BIN1: variants seen among roughly 807,000 people sequenced by gnomAD.
BIN1 encodes bridging integrator 1.
In BIN1, 53 loss-of-function variants were observed where a neutral mutation model predicts 82.0. That is an observed-to-expected ratio of 0.65 (90% CI 0.52 to 0.81). The LOEUF (loss-of-function observed/expected upper bound fraction) is 0.81. Ranked by LOEUF, BIN1 falls within the 40% of genes least tolerant of loss-of-function variation. The probability of loss-of-function intolerance (pLI) is 0.00; values close to 1 mark genes in which losing one functional copy is unlikely to be tolerated. For missense variants in BIN1, 642 were observed against 784.4 expected, an observed-to-expected ratio of 0.82 and a Z score of 2.17; for synonymous variants, 302 against 328.0, an observed-to-expected ratio of 0.92 and a Z score of 0.86.
At position 127,068,831 on chromosome 2, in the gene BIN1, C is replaced by A. The variant is rs1685491708; in HGVS notation, c.519+93G>T. ...CACCCCCAGTTCAGCCACCTGGGGC[C>A]AGGCAGGAGGAAGCCTCCACCCTCG... On this transcript the variant is annotated intron_variant, in intron 6 of 18. Coordinates refer to ENST00000316724, the MANE Select transcript of BIN1 (RefSeq NM_139343.3). The surrounding 1 kb of genome is among the most constrained non-coding windows in gnomAD (Gnocchi z 4.9). 2.4e-6 allele frequency: 3 copies of A among 1,259,346 alleles called. No individual in the cohort carries two copies. The highest frequency in any genetic ancestry group is 3.5e-6 in the Non-Finnish European group (3 of 867,652). 78.0% of individuals were successfully genotyped at this position (1,259,346 alleles called of 1,614,324 possible). A position where few individuals can be genotyped will look rare whatever the true frequency, so the allele number is the denominator to read the frequency against.
Position 127,090,812 on chromosome 2 carries a change from G to A in BIN1, c.85-14106C>T, listed in dbSNP as rs1410169837. On this transcript the variant is annotated intron_variant, in intron 1 of 18. Transcript: ENST00000316724. The surrounding 1 kb of genome is among the most constrained non-coding windows in gnomAD (Gnocchi z 6.4). ...CTGGGTGGGAAGGCAACAGCCACGGGTCGCCACACACTCCCACAGTCTTCA... is the reference window on the plus strand; with the variant it reads ...CTGGGTGGGAAGGCAACAGCCACGGATCGCCACACACTCCCACAGTCTTCA... Among the ~76,000 whole-genome samples, 3 of 152,184 alleles carry A rather than the reference G, an allele frequency of 2.0e-5. No individual in the cohort carries two copies. The highest frequency in any genetic ancestry group is 2.4e-5 in the African/African-American group (1 of 41,430).
intron 4 of BIN1, 63 bp downstream of exon 4, chr2:127,070,490 T>G (rs890992003): frequency 6.3e-7 from 1 of 1,581,566 alleles, no homozygotes; most frequent in Non-Finnish European, 8.6e-7. Context: ...CACGGCAGAG[T>G]GGGACAGGAG....
intron 7 of BIN1, among the ~76,000 whole-genome samples, 165 bp from the exon 8 acceptor site, chr2:127,064,183 T>TC (rs1223585802): frequency 6.6e-6 from 1 of 151,868 alleles, no homozygotes; most frequent in Non-Finnish European, 1.5e-5. Flanking sequence ...GCTGGCGACC[T>TC]CCCCCTGCAG....
rs1020051537 is a variant in BIN1, at chr2:127,067,260, A to G, written c.612+903T>C. On this transcript the variant is annotated intron_variant, in intron 7 of 18. Transcript: ENST00000316724. This position sits in a 1 kb window ranked among gnomAD's most constrained non-coding sequence, Gnocchi z 4.7. ...TATCGCCAGCCTCTCGGGAATATGGAGAAGTGTGAGGGCCACATCCAGGCT... is the reference window on the plus strand; with the variant it reads ...TATCGCCAGCCTCTCGGGAATATGGGGAAGTGTGAGGGCCACATCCAGGCT... Among the ~76,000 whole-genome samples the G allele has an allele frequency of 2.6e-5, 4 of 152,096 alleles. No individual in the cohort carries two copies. Among genetic ancestry groups the G allele is most frequent in the African/African-American group, 9.7e-5 (4 of 41,404 alleles).
At chr2:127,105,473 TCCTC>T in intron 1 of BIN1, among the ~76,000 whole-genome samples, 1 of 58,462 alleles carries the variant, frequency 1.7e-5, no homozygotes. Flanking sequence ...TAATCCCTCC[TCCTC>T]CTCCTCCTCC....
In BIN1 at chr2:127,050,901, A is replaced by G. The variant is rs779756862; in HGVS notation, c.1473T>C (p.Pro491=). 103 of 1,613,964 alleles carry G rather than the reference A, an allele frequency of 6.4e-5. No individual in the cohort carries two copies. In the East Asian group the frequency reaches 2.0e-3, roughly 31 times the overall value. The change falls in exon 17 of 19, where the codon CCT becomes CCC. Residue 491 remains proline (P), a synonymous_variant. Coordinates refer to ENST00000316724, the MANE Select transcript of BIN1 (RefSeq NM_139343.3). The part of the protein sequence containing the change: ...AASEAASSSL[P]AVVVETFPAT... ...CTGGGAAGGTCTCCACCACGACAGC[A>G]GGAAGAGAGCTCTGGTGGCAGAGGT...
chr2:127,081,817 G>C, intron 1 of BIN1: 1 of 1,287,372 alleles, frequency 7.8e-7, no homozygotes, highest in Non-Finnish European at 1.0e-6. Flanking sequence ...CCCAGAAAAC[G>C]CATAAGGCCC....
At chr2:127,063,242 G>C (rs542107985) in intron 9 of BIN1, among the ~76,000 whole-genome samples, 26 of 152,178 alleles carry the variant, frequency 1.7e-4, no homozygotes, top group Non-Finnish European at 3.5e-4. Context: ...TTGAGAAACT[G>C]CCACCATTGT....
At chr2:127,077,517 G>A (rs1388499752) in intron 1 of BIN1, among the ~76,000 whole-genome samples, 1 of 152,118 alleles carries the variant, frequency 6.6e-6, no homozygotes, top group Non-Finnish European at 1.5e-5. Context: ...GAGGGCGCTG[G>A]CCAGGACCCT....
chr2:127,098,035 T>C (rs1013233738), intron 1 of BIN1, among the ~76,000 whole-genome samples: 11 of 152,134 alleles, frequency 7.2e-5, no homozygotes, highest in African/African-American at 2.7e-4. Flanking sequence ...ATGAGTGCTG[T>C]GTGCAAGGCT....
intron 1 of BIN1, among the ~76,000 whole-genome samples, chr2:127,096,438 C>T (rs908035379): frequency 1.3e-5 from 2 of 152,200 alleles, no homozygotes; most frequent in Non-Finnish European, 2.9e-5. Flanking sequence ...GGCAGAGCTG[C>T]GTGCTTCCCT....
chr2:127,103,855 G>A (rs1442013799), intron 1 of BIN1, among the ~76,000 whole-genome samples: 2 of 152,230 alleles, frequency 1.3e-5, no homozygotes, highest in Non-Finnish European at 2.9e-5. Context: ...CAAACGCAAT[G>A]GGAAGATGAC....
chr2:127,105,503 T>TCCTCCTCCTCCTCCTCCTCCTCCTCCTCC (rs1480065007), intron 1 of BIN1, among the ~76,000 whole-genome samples: 6 of 137,826 alleles, frequency 4.4e-5, no homozygotes, highest in Non-Finnish European at 7.8e-5. Flanking sequence ...CTCCTCCTCC[T>TCCTCCTCCTCCTCCTCCTCCTCCTCCTCC]TCCCTGGGGT....
chr2:127,104,369 C>G (rs71414736), intron 1 of BIN1, among the ~76,000 whole-genome samples: 1,829 of 152,254 alleles, frequency 0.012, 20 homozygotes, highest in Non-Finnish European at 0.02. Flanking sequence ...GGGGACCCTA[C>G]AAGAGTGCAG....
intron 2 of BIN1, among the ~76,000 whole-genome samples, chr2:127,076,248 G>A (rs373278436): frequency 1.2e-4 from 19 of 152,088 alleles, no homozygotes; most frequent in African/African-American, 2.9e-4. Flanking sequence ...AGCCTGCTCC[G>A]CCCCCATGCT....
chr2:127,054,716 T>G, intron 12 of BIN1: 1 of 152,666 alleles, frequency 6.6e-6, no homozygotes, highest in Non-Finnish European at 1.5e-5. Context: ...CCCTGACCCC[T>G]CCCAGCAGCC....
intron 1 of BIN1, 123 bp from the exon 2 acceptor site, chr2:127,076,829 C>G: frequency 9.3e-7 from 1 of 1,078,910 alleles, no homozygotes; most frequent in Non-Finnish European, 1.4e-6. Context: ...CATCACCCAG[C>G]CCAGGGTGCC....
chr2:127,093,112 G>A lies in BIN1; in HGVS notation c.84+13748C>T, dbSNP rs980921356. Among the ~76,000 whole-genome samples the A allele has an allele frequency of 2.0e-5, 3 of 152,176 alleles. No homozygotes were observed. The highest frequency in any genetic ancestry group is 6.5e-5 in the Admixed American group (1 of 15,288). On this transcript the variant is annotated intron_variant, in intron 1 of 18. Transcript: ENST00000316724. This position sits in a 1 kb window ranked among gnomAD's most constrained non-coding sequence, Gnocchi z 5.7. ...GGCTGTCCACAGAGAGAGGGGTCAG[G>A]GAGGGAGGGCGGAAGGGGAAGTGGG...
Position 127,050,816 on chromosome 2 carries a change from C to G in BIN1, c.1558G>C (p.Gly520Arg), listed in dbSNP as rs765354438. Residue 520 changes from glycine to arginine, a missense_variant, in exon 17 of 19, where the codon GGT (glycine) becomes CGT (arginine). Gly to Arg is a moderately radical substitution (Grantham distance 125). Coordinates refer to ENST00000316724, the MANE Select transcript of BIN1 (RefSeq NM_139343.3). ...TGTGGGCTCACCTTGAACATGAAAC[C>G]TGGGGGCAGGTCCAAGCGCCCGGCC... ...SGAGRLDLPPGFMFKVQAQHD... is the reference protein window; with the variant it reads ...SGAGRLDLPPRFMFKVQAQHD... 3 of 1,613,508 alleles carry G rather than the reference C, an allele frequency of 1.9e-6. No individual in the cohort carries two copies. The African/African-American group carries it at 4.0e-5, about 22-fold the overall frequency.
Sources: allele counts gnomAD v4.1 joint callset (sites outside exome capture counted in the v4.1 genomes callset), GRCh38; gene constraint gnomAD v4.1.1; non-coding constraint Gnocchi (gnomAD v3.1); transcripts MANE v1.5; gene names NCBI Gene and HGNC (gene_info 2026-07-23, HGNC 2026-07-21).